The following EVI5 variants were observed in gnomAD, a reference collection of about 807,000 sequenced individuals.
EVI5 encodes ecotropic viral integration site 5 protein homolog.
A neutral mutation model predicts 112.0 loss-of-function variants in EVI5; 73 were observed. That is an observed-to-expected ratio of 0.65 (90% CI 0.54 to 0.79). The LOEUF (loss-of-function observed/expected upper bound fraction) is 0.79, where lower values mean the gene tolerates loss of function less well. EVI5 is among the 30% of genes least tolerant of loss of function. The pLI is 0.00. For missense variants in EVI5, 900 were observed against 968.8 expected (o/e 0.93, Z 0.94); for synonymous variants, 305 against 319.9 (o/e 0.95, Z 0.50).
intron 2 of EVI5, chr1:92,713,891 G>T: frequency 3.3e-6 from 1 of 307,442 alleles, no homozygotes; most frequent in Non-Finnish European, 4.8e-6. Context: ...AAATATGGCT[G>T]CAATGCCAAA....
chr1:92,530,041 T>C (rs187035967), intron 19 of EVI5, among the ~76,000 whole-genome samples: 1 of 152,326 alleles, frequency 6.6e-6, no homozygotes, highest in Admixed American at 6.5e-5. Flanking sequence ...TATGGAATAA[T>C]TGGTAGGTGT....
At position 92,611,299 on chromosome 1, in the gene EVI5, T is replaced by C. The variant is rs374971294; in HGVS notation, c.1828-3572A>G. ...TATAAAGGAAGGGTAATGAAATGTCTAGCAGATATTTCAATGGCAAAAATT... is the reference window on the plus strand; with the variant it reads ...TATAAAGGAAGGGTAATGAAATGTCCAGCAGATATTTCAATGGCAAAAATT... On this transcript the variant is annotated intron_variant, in intron 16 of 19. Transcript: ENST00000684568. Among the ~76,000 whole-genome samples the C allele has an allele frequency of 2.8e-4, 42 of 152,190 alleles. 1 individual carries two copies. In the South Asian group the frequency reaches 8.5e-3, roughly 31 times the overall value.
chr1:92,728,279 G>C (rs185946140), intron 2 of EVI5, among the ~76,000 whole-genome samples: 23 of 152,206 alleles, frequency 1.5e-4, no homozygotes, highest in Non-Finnish European at 2.8e-4. Flanking sequence ...TGAAGTTACT[G>C]CTCTTCTCTC....
In EVI5 at chr1:92,637,381, G is replaced by GA. The variant is rs758351385; in HGVS notation, c.1393-1046dup. On this transcript the variant is annotated intron_variant, in intron 13 of 19. Coordinates refer to ENST00000684568, the MANE Select transcript of EVI5 (RefSeq NM_001350197.2). Reference sequence around the variant, plus strand: ...TGACAGAGCAAGACTCTTGTCTCAAGAAAAAAAAAAAAAAAAGATATACAT... The same window carrying GA: ...TGACAGAGCAAGACTCTTGTCTCAAGAAAAAAAAAAAAAAAAAGATATACAT... Among the ~76,000 whole-genome samples the GA allele has an allele frequency of 0.018, 1,626 of 90,564 alleles. 92 individuals are homozygous for GA. In the East Asian group the frequency reaches 0.23, roughly 13 times the overall value. 59.4% of individuals were successfully genotyped at this position (90,564 alleles called of 152,430 possible).
chr1:92,580,082 C>T (rs960298390), intron 18 of EVI5, among the ~76,000 whole-genome samples: 1 of 152,116 alleles, frequency 6.6e-6, no homozygotes, highest in Non-Finnish European at 1.5e-5. Flanking sequence ...CTATCATTAT[C>T]GCTATACACT....
At chr1:92,592,507 G>C (rs1452488192) in intron 18 of EVI5, among the ~76,000 whole-genome samples, 1 of 152,118 alleles carries the variant, frequency 6.6e-6, no homozygotes. Flanking sequence ...ACAATTAAAA[G>C]AACTAGAGAA....
At chr1:92,776,626 C>T (rs902441002) in intron 1 of EVI5, among the ~76,000 whole-genome samples, 1 of 151,312 alleles carries the variant, frequency 6.6e-6, no homozygotes, top group Non-Finnish European at 1.5e-5. Flanking sequence ...AATGATAACA[C>T]CATCATGACT....
At chr1:92,780,131 C>A (rs552245763) in intron 1 of EVI5, among the ~76,000 whole-genome samples, 1 of 152,174 alleles carries the variant, frequency 6.6e-6, no homozygotes, top group Non-Finnish European at 1.5e-5. Context: ...TGAGTTCTCA[C>A]GAGATCTGAT....
At chr1:92,629,807 C>T (rs1656532612) in intron 14 of EVI5, among the ~76,000 whole-genome samples, 1 of 146,004 alleles carries the variant, frequency 6.8e-6, no homozygotes, top group Admixed American at 6.8e-5. Flanking sequence ...CTAATGCTAT[C>T]CCTCCACCCT....
intron 11 of EVI5, among the ~76,000 whole-genome samples, chr1:92,663,878 G>C (rs1320519216): frequency 6.6e-6 from 1 of 152,192 alleles, no homozygotes; most frequent in African/African-American, 2.4e-5. Context: ...CTCCTGAGCA[G>C]CTAGGACTAC....
At chr1:92,721,884 T>C (rs1295834751) in intron 2 of EVI5, among the ~76,000 whole-genome samples, 1 of 152,156 alleles carries the variant, frequency 6.6e-6, no homozygotes, top group East Asian at 1.9e-4. Flanking sequence ...TAAATTCAAC[T>C]TTGGTCACTT....
chr1:92,591,277 T>C (rs945171683), intron 18 of EVI5, among the ~76,000 whole-genome samples: 7 of 152,254 alleles, frequency 4.6e-5, no homozygotes, highest in African/African-American at 1.7e-4. Flanking sequence ...TAACCTTAAA[T>C]GTAAAGGGGC....
chr1:92,709,269 A>C (rs1048048552), intron 2 of EVI5, among the ~76,000 whole-genome samples: 1 of 152,202 alleles, frequency 6.6e-6, no homozygotes, highest in Non-Finnish European at 1.5e-5. Context: ...TATGTGGGTT[A>C]TACATAGGTA....
At chr1:92,714,009 A>C (rs1673233819) in intron 2 of EVI5, 1 of 983,756 alleles carries the variant, frequency 1.0e-6, no homozygotes, top group Non-Finnish European at 1.2e-6. Flanking sequence ...CCATAAATTC[A>C]TCTCTGCCAA....
intron 18 of EVI5, among the ~76,000 whole-genome samples, chr1:92,590,371 A>C (rs1557853118): frequency 1.3e-5 from 2 of 152,204 alleles, no homozygotes; most frequent in Admixed American, 6.5e-5. Context: ...CCTTGAAAAA[A>C]GATTGGACAA....
chr1:92,677,906 A>C (rs951871187), intron 9 of EVI5, among the ~76,000 whole-genome samples: 1 of 152,190 alleles, frequency 6.6e-6, no homozygotes, highest in African/African-American at 2.4e-5. Context: ...TACTGACATC[A>C]TGCACCCCTG....
rs371742717 is a variant in EVI5, at chr1:92,608,474, T to C, written c.1828-747A>G. Among the ~76,000 whole-genome samples the C allele has an allele frequency of 5.3e-5, 8 of 152,150 alleles. No homozygotes were observed. The East Asian group carries it at 9.7e-4, about 18-fold the overall frequency. On this transcript the variant is annotated intron_variant, in intron 16 of 19. Transcript: ENST00000684568. ...ATCCCAGCATTCTGGGAGACCAAGG[T>C]GGGCAGATCACTTGTGGCCAGGAGT...
At chr1:92,615,873 T>A (rs1405611770) in intron 16 of EVI5, among the ~76,000 whole-genome samples, 1 of 152,130 alleles carries the variant, frequency 6.6e-6, no homozygotes, top group Non-Finnish European at 1.5e-5. Flanking sequence ...TTCTCTAATT[T>A]ATATAAACAG....
intron 1 of EVI5, chr1:92,773,906 C>G (rs1402590448): frequency 6.6e-6 from 1 of 151,946 alleles, no homozygotes; most frequent in African/African-American, 2.4e-5. Flanking sequence ...CAGCACATAC[C>G]TGTAATCCCA....
Sources: gnomAD v4.1 joint callset for allele counts (sites outside exome capture counted in the v4.1 genomes callset) on GRCh38, gnomAD v4.1.1 for gene constraint, MANE v1.5 for transcripts, NCBI Gene and HGNC (gene_info 2026-07-23, HGNC 2026-07-21) for gene names.